ITFG1: variants seen among roughly 807,000 people sequenced by gnomAD.
The protein encoded by ITFG1 is T-cell immunomodulatory protein.
A neutral mutation model predicts 81.8 loss-of-function variants in ITFG1; 34 were observed. That is an observed-to-expected ratio of 0.42 (90% confidence interval 0.32 to 0.55). The LOEUF (loss-of-function observed/expected upper bound fraction) is 0.55. ITFG1 is among the 20% of genes least tolerant of loss of function. The pLI is 0.17. For missense variants in ITFG1, 672 were observed against 755.4 expected (o/e 0.89, Z 1.29); for synonymous variants, 285 against 270.6 (o/e 1.05, Z -0.52).
intron 5 of ITFG1, among the ~76,000 whole-genome samples, chr16:47,437,784 G>A: frequency 6.6e-6 from 1 of 152,228 alleles, no homozygotes; most frequent in East Asian, 1.9e-4. Flanking sequence ...GTAGAAGACG[G>A]GTGATTTCTG....
intron 13 of ITFG1, among the ~76,000 whole-genome samples, chr16:47,227,245 GA>G (rs997322818): frequency 7.2e-5 from 11 of 152,150 alleles, no homozygotes; most frequent in African/African-American, 2.7e-4. Context: ...AAAATGCCAA[GA>G]GATCTGGAAT....
At chr16:47,461,164 G>T, upstream of ITFG1, 1 of 1,105,784 alleles carries the variant, frequency 9.0e-7, no homozygotes, top group East Asian at 2.6e-5. Flanking sequence ...GCCGCTGCCG[G>T]CTCCTTTTTC....
At chr16:47,433,428 G>T (rs577427510) in intron 5 of ITFG1, among the ~76,000 whole-genome samples, 1 of 152,116 alleles carries the variant, frequency 6.6e-6, no homozygotes, top group Non-Finnish European at 1.5e-5. Context: ...AGCGTCTAAA[G>T]ACAACCCAAG....
In ITFG1 at chr16:47,403,761, T is replaced by TACACACACACAC. The variant is rs55978309; in HGVS notation, c.655+25031_655+25042dup. On this transcript the variant is annotated intron_variant, in intron 6 of 17. Coordinates refer to ENST00000320640, the MANE Select transcript of ITFG1 (RefSeq NM_030790.5). ...AAAAGTTGATTTTGATCTCTCTTGG[T>TACACACACACAC]ACACACACACACACACACACACACA... Among the ~76,000 whole-genome samples, 181 of 133,236 alleles carry TACACACACACAC rather than the reference T, an allele frequency of 1.4e-3. 2 individuals carry two copies. Among genetic ancestry groups the TACACACACACAC allele is most frequent in the Non-Finnish European group, 9.3e-4 (58 of 62,504 alleles). The allele number at this position is 133,236 out of a possible 152,430, so 87.4% of individuals were successfully genotyped here. A position where few individuals can be genotyped will look rare whatever the true frequency, so the allele number is the denominator to read the frequency against.
At chr16:47,156,309 G>A (rs1964705267) in intron 17 of ITFG1, among the ~76,000 whole-genome samples, 1 of 152,062 alleles carries the variant, frequency 6.6e-6, no homozygotes, top group African/African-American at 2.4e-5. Context: ...TGTGGTGGTG[G>A]GCACCTGTAA....
At chr16:47,399,865 A>G (rs987196927) in intron 6 of ITFG1, among the ~76,000 whole-genome samples, 1 of 152,156 alleles carries the variant, frequency 6.6e-6, no homozygotes, top group South Asian at 2.1e-4. Flanking sequence ...ATTTCTCTAC[A>G]TATGTATGCT....
At chr16:47,182,398 A>AG (rs1270002645) in intron 14 of ITFG1, among the ~76,000 whole-genome samples, 2 of 152,010 alleles carry the variant, frequency 1.3e-5, no homozygotes, top group Non-Finnish European at 2.9e-5. Context: ...AAAAAAAAAA[A>AG]AGAAAATATG....
intron 4 of ITFG1, 60 bp downstream of exon 4, chr16:47,452,673 G>T: frequency 8.8e-7 from 1 of 1,133,836 alleles, no homozygotes; most frequent in Non-Finnish European, 1.3e-6. Context: ...TTTCCTATGT[G>T]AAGATTTTAT....
chr16:47,256,579 A>C (rs543651329), intron 12 of ITFG1, among the ~76,000 whole-genome samples: 17 of 152,186 alleles, frequency 1.1e-4, no homozygotes, highest in Non-Finnish European at 2.4e-4. Flanking sequence ...TTTAGCTTTA[A>C]AATAGCCAAA....
At chr16:47,156,901 G>A (rs902799580) in intron 17 of ITFG1, among the ~76,000 whole-genome samples, 10 of 152,174 alleles carry the variant, frequency 6.6e-5, no homozygotes, top group South Asian at 2.1e-4. Flanking sequence ...TTTTCAGCAG[G>A]GGAGTGACAT....
At chr16:47,243,989 C>A (rs1965967309) in intron 12 of ITFG1, among the ~76,000 whole-genome samples, 1 of 152,136 alleles carries the variant, frequency 6.6e-6, no homozygotes, top group African/African-American at 2.4e-5. Context: ...TGAGATTGCA[C>A]CACTGGACTC....
intron 14 of ITFG1, among the ~76,000 whole-genome samples, chr16:47,176,942 A>ATCT (rs776597563): frequency 2.0e-5 from 3 of 149,490 alleles, no homozygotes; most frequent in African/African-American, 7.4e-5. Context: ...TTTCTCATAC[A>ATCT]TCTTCTTCTT....
At chr16:47,299,008 C>T (rs914152093) in intron 10 of ITFG1, among the ~76,000 whole-genome samples, 2 of 152,026 alleles carry the variant, frequency 1.3e-5, no homozygotes, top group African/African-American at 4.8e-5. Flanking sequence ...GATGTACACA[C>T]CAGCCCTGAG....
intron 14 of ITFG1, among the ~76,000 whole-genome samples, chr16:47,188,026 T>G (rs1965245347): frequency 6.6e-6 from 1 of 152,100 alleles, no homozygotes; most frequent in South Asian, 2.1e-4. Context: ...TCATCATCAC[T>G]GGCTATCAGA....
chr16:47,258,872 A>C (rs1966171861), intron 11 of ITFG1, 132 bp from the exon 12 acceptor site: 3 of 487,046 alleles, frequency 6.2e-6, no homozygotes, highest in Non-Finnish European at 1.1e-5. Flanking sequence ...TGTTTAAAAT[A>C]AAATCGCTAT....
chr16:47,427,700 C>A (rs1969040965), intron 6 of ITFG1, among the ~76,000 whole-genome samples: 1 of 152,138 alleles, frequency 6.6e-6, no homozygotes, highest in Non-Finnish European at 1.5e-5. Context: ...AAAATCCACA[C>A]AACTGTACAG....
intron 12 of ITFG1, among the ~76,000 whole-genome samples, chr16:47,242,485 CTACAG>C (rs1483477276): frequency 6.6e-6 from 1 of 151,920 alleles, no homozygotes; most frequent in African/African-American, 2.4e-5. Context: ...TTAATACATA[CTACAG>C]TACATTTTAT....
intron 5 of ITFG1, among the ~76,000 whole-genome samples, chr16:47,440,271 G>C (rs1257355369): frequency 6.6e-6 from 1 of 152,148 alleles, no homozygotes; most frequent in African/African-American, 2.4e-5. Flanking sequence ...ACATTAGACA[G>C]ATCAACGAAA....
At chr16:47,260,821 C>G in intron 10 of ITFG1, 126 bp from the exon 11 acceptor site, 1 of 1,049,674 alleles carries the variant, frequency 9.5e-7, no homozygotes, top group Non-Finnish European at 1.4e-6. Flanking sequence ...AAAAAATCTC[C>G]ACATTTTTTG....
Sources: allele counts gnomAD v4.1 joint callset (sites outside exome capture counted in the v4.1 genomes callset), GRCh38; gene constraint gnomAD v4.1.1; transcripts MANE v1.5; gene names NCBI Gene and HGNC (gene_info 2026-07-23, HGNC 2026-07-21).